The following FOXP2 variants were observed in gnomAD, a reference collection of about 807,000 sequenced individuals.
FOXP2 encodes the protein forkhead box protein P2.
Under a neutral mutation model 115.8 loss-of-function variants are expected in FOXP2, and 12 were observed. The ratio of observed to expected loss-of-function variants is 0.10; its 90% CI spans 0.07 to 0.17. The LOEUF is 0.17. Among genes scored for constraint, FOXP2 ranks in the 10% least tolerant of loss-of-function variants. FOXP2 has a pLI of 1.00. For missense variants in FOXP2, 629 were observed against 843.5 expected (o/e 0.75, Z 3.15); for synonymous variants, 328 against 297.7 (o/e 1.10, Z -1.05).
At chr7:114,577,975 C>T (rs1256362699) in intron 3 of FOXP2, among the ~76,000 whole-genome samples, 1 of 151,722 alleles carries the variant, frequency 6.6e-6, no homozygotes, top group Non-Finnish European at 1.5e-5. Flanking sequence ...GAAAGTGTTA[C>T]CAAAATGATG....
At chr7:114,473,840 C>T (rs909573726) in intron 2 of FOXP2, among the ~76,000 whole-genome samples, 1 of 152,066 alleles carries the variant, frequency 6.6e-6, no homozygotes, top group African/African-American at 2.4e-5. Flanking sequence ...GAGTAATTAT[C>T]CATGATCAAT....
intron 3 of FOXP2, among the ~76,000 whole-genome samples, chr7:114,601,525 C>A (rs1190288059): frequency 6.6e-6 from 1 of 151,770 alleles, no homozygotes; most frequent in Non-Finnish European, 1.5e-5. Flanking sequence ...TCTTCTAGTT[C>A]TTTGGTTTTC....
chr7:114,664,838 A>G (rs1022873306), intron 16 of FOXP2: 15 of 208,902 alleles, frequency 7.2e-5, no homozygotes, highest in African/African-American at 3.5e-4. Flanking sequence ...TATGAACTGT[A>G]GTCAAGATAT....
Position 114,486,604 on chromosome 7 carries a change from C to A in FOXP2, c.169-48013C>A, listed in dbSNP as rs200425143. ...GTCCAAAGCCTCATCTGAGACAAGG[C>A]AAGTCCCTTCTACCTATCAGCCTGT... On this transcript the variant is annotated intron_variant, in intron 2 of 16. Coordinates refer to ENST00000350908, the MANE Select transcript of FOXP2 (RefSeq NM_014491.4). Among the ~76,000 whole-genome samples the A allele has an allele frequency of 4.9e-4, 74 of 152,294 alleles. No individual in the cohort carries two copies. The East Asian group carries it at 6.4e-3, about 13-fold the overall frequency.
chr7:114,168,306 T>C (rs1793037639), intron 1 of FOXP2, among the ~76,000 whole-genome samples: 1 of 152,114 alleles, frequency 6.6e-6, no homozygotes, highest in Admixed American at 6.6e-5. Flanking sequence ...CCTAAAGACT[T>C]TTTGAATGGC....
At chr7:114,173,354 CT>C (rs952365116) in intron 1 of FOXP2, among the ~76,000 whole-genome samples, 6 of 150,468 alleles carry the variant, frequency 4.0e-5, no homozygotes, top group Admixed American at 6.6e-5. Flanking sequence ...TTTTCATTTT[CT>C]TTTTTTTTCT....
chr7:114,446,149 C>T (rs1381965461), intron 2 of FOXP2, among the ~76,000 whole-genome samples: 1 of 150,896 alleles, frequency 6.6e-6, no homozygotes, highest in African/African-American at 2.4e-5. Flanking sequence ...ATTTTTATTC[C>T]CATTTCTTCA....
intron 1 of FOXP2, among the ~76,000 whole-genome samples, chr7:114,192,331 G>T (rs1351476159): frequency 6.6e-6 from 1 of 151,972 alleles, no homozygotes; most frequent in Non-Finnish European, 1.5e-5. Context: ...TTTTATTGTT[G>T]AATAACATTT....
chr7:114,467,658 A>G (rs528056013), intron 2 of FOXP2, among the ~76,000 whole-genome samples: 3 of 152,256 alleles, frequency 2.0e-5, no homozygotes, highest in East Asian at 3.9e-4. Context: ...CGCATACCCT[A>G]TTATAGTTAG....
intron 2 of FOXP2, among the ~76,000 whole-genome samples, chr7:114,372,618 C>G (rs573485163): frequency 2.5e-4 from 38 of 152,194 alleles, no homozygotes; most frequent in Non-Finnish European, 5.1e-4. Context: ...GATAAGTGCT[C>G]AAGCAACTTC....
intron 2 of FOXP2, among the ~76,000 whole-genome samples, chr7:114,382,880 C>CAT (rs2129192202): frequency 6.6e-6 from 1 of 152,276 alleles, no homozygotes; most frequent in South Asian, 2.1e-4. Context: ...GTTATGTGGA[C>CAT]ATCATTGAAT....
chr7:114,631,229 A>T (rs1804902029), intron 5 of FOXP2, among the ~76,000 whole-genome samples: 2 of 152,294 alleles, frequency 1.3e-5, no homozygotes, highest in South Asian at 4.1e-4. Context: ...AATCTAGAGA[A>T]ATGTATTATT....
At chr7:114,667,831 G>A (rs963828604) in intron 16 of FOXP2, 1 of 152,120 alleles carries the variant, frequency 6.6e-6, no homozygotes, top group South Asian at 2.1e-4. Flanking sequence ...TGAAACTCAT[G>A]TATAGGAGAA....
intron 1 of FOXP2, among the ~76,000 whole-genome samples, chr7:114,177,833 A>G (rs1793356444): frequency 6.6e-6 from 1 of 152,014 alleles, no homozygotes; most frequent in Non-Finnish European, 1.5e-5. Flanking sequence ...CTGTTCTCTT[A>G]GCAATTTTCA....
chr7:114,664,005 G>A (rs868063284), intron 15 of FOXP2, among the ~76,000 whole-genome samples: 1 of 152,158 alleles, frequency 6.6e-6, no homozygotes, highest in Admixed American at 6.6e-5. Flanking sequence ...CATTACATGT[G>A]TGGATTCAAC....
intron 1 of FOXP2, among the ~76,000 whole-genome samples, chr7:114,121,073 A>C (rs1043177031): frequency 6.6e-6 from 1 of 152,062 alleles, no homozygotes; most frequent in East Asian, 1.9e-4. Context: ...TTATGGACTG[A>C]ATGTTTACGT....
chr7:114,174,582 T>C (rs1793237322), intron 1 of FOXP2, among the ~76,000 whole-genome samples: 1 of 152,036 alleles, frequency 6.6e-6, no homozygotes, highest in South Asian at 2.1e-4. Flanking sequence ...TTGATTAGTG[T>C]TCAGAAAAAT....
chr7:114,412,521 G>A (rs1462035823), upstream of FOXP2, among the ~76,000 whole-genome samples: 1 of 152,068 alleles, frequency 6.6e-6, no homozygotes, highest in Non-Finnish European at 1.5e-5. Flanking sequence ...TTATTGGGAG[G>A]TATTTGCATT....
chr7:114,382,895 C>G (rs1487045820), intron 2 of FOXP2, among the ~76,000 whole-genome samples: 1 of 152,146 alleles, frequency 6.6e-6, no homozygotes, highest in Non-Finnish European at 1.5e-5. Context: ...TTGAATAATT[C>G]ATAGCCTTCT....
Sources: gnomAD v4.1 joint callset for allele counts (sites outside exome capture counted in the v4.1 genomes callset) on GRCh38, gnomAD v4.1.1 for gene constraint, MANE v1.5 for transcripts, NCBI Gene and HGNC (gene_info 2026-07-23, HGNC 2026-07-21) for gene names.